Variants in RGS7 observed in about 807,000 individuals in gnomAD.
RGS7 encodes the protein regulator of G-protein signaling 7.
RGS7 carries 27 observed loss-of-function variants against 81.1 expected under a neutral mutation model. That is an observed-to-expected ratio of 0.33 (90% CI 0.25 to 0.46). The LOEUF (loss-of-function observed/expected upper bound fraction) is 0.46. Among genes scored for constraint, RGS7 ranks in the 20% least tolerant of loss-of-function variants. The pLI is 1.00. For missense variants in RGS7, 396 were observed against 607.4 expected, an observed-to-expected ratio of 0.65 and a Z score of 3.66; for synonymous variants, 208 against 207.7, an observed-to-expected ratio of 1.00 and a Z score of -0.01.
intron 6 of RGS7, among the ~76,000 whole-genome samples, chr1:240,904,405 G>A (rs1240666412): frequency 2.0e-5 from 3 of 152,156 alleles, no homozygotes; most frequent in Non-Finnish European, 4.4e-5. Context: ...ACTCAAGTGT[G>A]AGAATAAAAT....
chr1:241,243,032 TTG>T (rs1257232944), intron 2 of RGS7, among the ~76,000 whole-genome samples: 2 of 152,182 alleles, frequency 1.3e-5, no homozygotes, highest in African/African-American at 4.8e-5. Context: ...GCTTTTGTTT[TTG>T]TGTGTGTCTT....
In RGS7 at chr1:241,120,106, A is replaced by G. The variant is rs960805907; in HGVS notation, c.79-21344T>C. 3.3e-5 allele frequency among the ~76,000 whole-genome samples: 5 copies of G among 152,270 alleles called. 1 individual carries two copies. Among genetic ancestry groups the G allele is most frequent in the Middle Eastern group, 3.4e-3 (1 of 294 alleles). On this transcript the variant is annotated intron_variant, in intron 2 of 18. Coordinates refer to ENST00000440928, the MANE Select transcript of RGS7 (RefSeq NM_001364886.1). ...TAAAGCTCAAAGTACTTGGCATATT[A>G]TGAGGCCCTGCCCATCCTCAATGCA...
intron 3 of RGS7, among the ~76,000 whole-genome samples, chr1:241,011,116 C>T (rs1372813867): frequency 6.6e-6 from 1 of 152,176 alleles, no homozygotes; most frequent in Non-Finnish European, 1.5e-5. Flanking sequence ...CAGGAGTATG[C>T]TTCCCCAGGG....
At chr1:241,038,655 C>T (rs2148757831) in intron 3 of RGS7, among the ~76,000 whole-genome samples, 1 of 152,278 alleles carries the variant, frequency 6.6e-6, no homozygotes, top group East Asian at 1.9e-4. Flanking sequence ...TCTAAGACAA[C>T]ACTTAGGTCT....
rs539162245 is a variant in RGS7, at chr1:240,933,298, T to TAAC, written c.334-2533_334-2531dup. On this transcript the variant is annotated intron_variant, in intron 5 of 18. Coordinates refer to ENST00000440928, the MANE Select transcript of RGS7 (RefSeq NM_001364886.1). ...GTGTGTGCAGGCATATCTATTTATCTAACCTTAAAATACCTATTCTACTCA... is the reference window on the plus strand; with the variant it reads ...GTGTGTGCAGGCATATCTATTTATCTAACAACCTTAAAATACCTATTCTACTCA... Among the ~76,000 whole-genome samples the TAAC allele has an allele frequency of 7.6e-4, 115 of 152,112 alleles. 1 individual carries two copies. The highest frequency in any genetic ancestry group is 2.7e-3 in the African/African-American group (112 of 41,528).
At chr1:241,031,685 A>G (rs1212720246) in intron 3 of RGS7, among the ~76,000 whole-genome samples, 1 of 151,978 alleles carries the variant, frequency 6.6e-6, no homozygotes, top group African/African-American at 2.4e-5. Flanking sequence ...GTGTAAGATG[A>G]TATCTTATTG....
chr1:241,071,703 C>T lies in RGS7; in HGVS notation c.175+26963G>A, dbSNP rs111875397. Among the ~76,000 whole-genome samples the T allele has an allele frequency of 4.0e-4, 60 of 150,418 alleles. 1 individual carries two copies. In the Middle Eastern group the frequency reaches 0.01, roughly 26 times the overall value. Reference sequence around the variant, plus strand: ...ATTTTAAGGTATAATTTTACTATCTCTACAAAAAAATTTAAAAAAAATTAG... The same window carrying T: ...ATTTTAAGGTATAATTTTACTATCTTTACAAAAAAATTTAAAAAAAATTAG... On this transcript the variant is annotated intron_variant, in intron 3 of 18. Coordinates refer to ENST00000440928, the MANE Select transcript of RGS7 (RefSeq NM_001364886.1).
At chr1:241,037,975 A>G (rs931953947) in intron 3 of RGS7, among the ~76,000 whole-genome samples, 1 of 152,182 alleles carries the variant, frequency 6.6e-6, no homozygotes, top group African/African-American at 2.4e-5. Context: ...AGGAGGTGGG[A>G]TTGAAGGATA....
intron 6 of RGS7, among the ~76,000 whole-genome samples, chr1:240,876,778 T>C (rs909206792): frequency 1.3e-5 from 2 of 152,074 alleles, no homozygotes; most frequent in African/African-American, 4.8e-5. Context: ...CTGGATAACA[T>C]GGTGAAACCC....
At chr1:241,168,191 A>ATTCCTT (rs2070419274) in intron 2 of RGS7, among the ~76,000 whole-genome samples, 2 of 152,196 alleles carry the variant, frequency 1.3e-5, no homozygotes, top group Non-Finnish European at 2.9e-5. Context: ...ATGATGAGAA[A>ATTCCTT]GAGGATGGGG....
chr1:240,834,764 G>C (rs562788908), intron 9 of RGS7, among the ~76,000 whole-genome samples: 2 of 152,228 alleles, frequency 1.3e-5, no homozygotes, highest in South Asian at 4.1e-4. Context: ...GCCCGCCTCG[G>C]CCTCCCAAAA....
intron 2 of RGS7, among the ~76,000 whole-genome samples, chr1:241,264,771 G>T (rs1303167308): frequency 2.6e-5 from 4 of 152,180 alleles, no homozygotes; most frequent in African/African-American, 9.7e-5. Context: ...TAAATGCAGT[G>T]GTTGGAGCAG....
At chr1:240,886,038 T>A (rs1667284834) in intron 6 of RGS7, among the ~76,000 whole-genome samples, 1 of 152,324 alleles carries the variant, frequency 6.6e-6, no homozygotes, top group South Asian at 2.1e-4. Flanking sequence ...ACCAATGCAA[T>A]ATCTATTTTA....
At chr1:240,932,744 G>A (rs555304919) in intron 5 of RGS7, among the ~76,000 whole-genome samples, 79 of 150,584 alleles carry the variant, frequency 5.2e-4, no homozygotes, top group South Asian at 4.5e-3. Flanking sequence ...TCCTGACCTC[G>A]TGATCCGCCT....
At position 241,033,859 on chromosome 1, in the gene RGS7, C is replaced by T. The variant is rs377701242; in HGVS notation, c.176-50730G>A. 2.6e-5 allele frequency among the ~76,000 whole-genome samples: 4 copies of T among 151,848 alleles called. No individual in the cohort carries two copies. The South Asian group carries it at 8.3e-4, about 32-fold the overall frequency. ...AAGAAGGGTGGGAGAAGTTTACTGT[C>T]GAATATACTCAGGATGCTGAGATAA... On this transcript the variant is annotated intron_variant, in intron 3 of 18. Transcript: ENST00000440928.
intron 3 of RGS7, among the ~76,000 whole-genome samples, chr1:241,017,078 G>A (rs1161546746): frequency 3.3e-5 from 5 of 152,054 alleles, no homozygotes; most frequent in African/African-American, 4.8e-5. Flanking sequence ...CTCTGTACTC[G>A]TTTATTACAA....
chr1:240,926,577 A>T (rs1212408920), intron 6 of RGS7, among the ~76,000 whole-genome samples: 1 of 152,198 alleles, frequency 6.6e-6, no homozygotes, highest in South Asian at 2.1e-4. Flanking sequence ...AGGTACCAGT[A>T]AAAACCCTGC....
intron 2 of RGS7, among the ~76,000 whole-genome samples, chr1:241,216,701 T>C (rs557502497): frequency 6.6e-6 from 1 of 152,338 alleles, no homozygotes; most frequent in East Asian, 1.9e-4. Context: ...GGAATGAGTT[T>C]GTGGCCCAAA....
At chr1:240,856,467 T>A (rs1661144075) in intron 9 of RGS7, among the ~76,000 whole-genome samples, 1 of 152,208 alleles carries the variant, frequency 6.6e-6, no homozygotes, top group African/African-American at 2.4e-5. Flanking sequence ...ATGAATCAAC[T>A]GTGTAATGCA....
Sources: allele counts gnomAD v4.1 joint callset (sites outside exome capture counted in the v4.1 genomes callset), GRCh38; gene constraint gnomAD v4.1.1; transcripts MANE v1.5; gene names NCBI Gene and HGNC (gene_info 2026-07-23, HGNC 2026-07-21).